Variants in GRIA1 observed in about 807,000 individuals in gnomAD.
GRIA1 encodes glutamate receptor 1.
GRIA1 carries 31 observed loss-of-function variants against 99.2 expected under a neutral mutation model. That is an observed-to-expected ratio of 0.31 (90% CI 0.23 to 0.42). The LOEUF is 0.42. GRIA1 is among the 10% of genes least tolerant of loss of function. The probability of loss-of-function intolerance (pLI) is 1.00; values close to 1 mark genes in which losing one functional copy is unlikely to be tolerated. For synonymous variants in GRIA1, 438 were observed against 432.4 expected (o/e 1.01, Z -0.16); for missense variants, 782 against 1,157.5 (o/e 0.68, Z 4.71).
intron 14 of GRIA1, 89 bp from the exon 15 acceptor site, chr5:153,802,267 T>A: frequency 8.5e-7 from 1 of 1,176,032 alleles, no homozygotes; most frequent in East Asian, 2.4e-5. Flanking sequence ...TGTGTATGTG[T>A]GAAAATATGC....
intron 2 of GRIA1, among the ~76,000 whole-genome samples, chr5:153,519,603 ACAT>A (rs1213246259): frequency 7.2e-5 from 11 of 152,058 alleles, no homozygotes; most frequent in Admixed American, 7.2e-4. Flanking sequence ...AGCATGTAAA[ACAT>A]CATCCAGGAG....
At chr5:153,653,583 A>C (rs1754725817) in intron 4 of GRIA1, among the ~76,000 whole-genome samples, 1 of 152,220 alleles carries the variant, frequency 6.6e-6, no homozygotes, top group African/African-American at 2.4e-5. Flanking sequence ...AGAAGTGAGA[A>C]TAGACCAGGA....
At chr5:153,761,488 A>G (rs772537076) in intron 11 of GRIA1, among the ~76,000 whole-genome samples, 8 of 152,322 alleles carry the variant, frequency 5.3e-5, no homozygotes, top group Admixed American at 6.5e-5. Context: ...CCCTTGTTAG[A>G]ATGGCTATTA....
At chr5:153,693,429 C>T (rs181891077) in intron 8 of GRIA1, among the ~76,000 whole-genome samples, 2 of 152,262 alleles carry the variant, frequency 1.3e-5, no homozygotes, top group African/African-American at 4.8e-5. Flanking sequence ...ACAACTTAGT[C>T]TTTAAAAATT....
At chr5:153,629,994 A>C (rs918633841) in intron 2 of GRIA1, among the ~76,000 whole-genome samples, 22 of 152,202 alleles carry the variant, frequency 1.4e-4, no homozygotes, top group African/African-American at 5.3e-4. Flanking sequence ...GTAGTTTAGC[A>C]AAGTGATAAG....
intron 2 of GRIA1, among the ~76,000 whole-genome samples, chr5:153,599,871 AG>A (rs763050824): frequency 2.0e-5 from 3 of 152,084 alleles, no homozygotes; most frequent in African/African-American, 2.4e-5. Flanking sequence ...AAATGAAGGG[AG>A]GGGAAAAGAA....
At chr5:153,641,524 G>T (rs912418766) in intron 2 of GRIA1, among the ~76,000 whole-genome samples, 1 of 152,080 alleles carries the variant, frequency 6.6e-6, no homozygotes, top group African/African-American at 2.4e-5. Context: ...GGGAATTCCT[G>T]GCCTCGTTTT....
chr5:153,768,510 G>T (rs1763666654), intron 12 of GRIA1, among the ~76,000 whole-genome samples: 1 of 152,098 alleles, frequency 6.6e-6, no homozygotes, highest in Admixed American at 6.5e-5. Context: ...TAAAACGAGT[G>T]ATATAGTTTA....
chr5:153,599,519 C>T (rs570465730), intron 2 of GRIA1, among the ~76,000 whole-genome samples: 1 of 152,288 alleles, frequency 6.6e-6, no homozygotes, highest in Admixed American at 6.5e-5. Context: ...TAGGCACATC[C>T]TCTCACATAC....
At chr5:153,724,123 C>G (rs1177141509) in intron 11 of GRIA1, among the ~76,000 whole-genome samples, 2 of 152,196 alleles carry the variant, frequency 1.3e-5, no homozygotes, top group Admixed American at 6.5e-5. Flanking sequence ...GCTGCTGTTA[C>G]CCAGGCAAAC....
At chr5:153,702,568 A>G (rs972744179) in intron 10 of GRIA1, among the ~76,000 whole-genome samples, 1 of 152,222 alleles carries the variant, frequency 6.6e-6, no homozygotes, top group Non-Finnish European at 1.5e-5. Context: ...TAGTTTCTAG[A>G]CATCACGTAT....
chr5:153,767,753 C>T (rs1459749870), intron 12 of GRIA1, among the ~76,000 whole-genome samples: 3 of 152,156 alleles, frequency 2.0e-5, no homozygotes, highest in African/African-American at 7.2e-5. Flanking sequence ...AATCCTCCAT[C>T]GACAGTTTAA....
At chr5:153,693,903 C>A (rs1274664090) in intron 8 of GRIA1, among the ~76,000 whole-genome samples, 1 of 152,208 alleles carries the variant, frequency 6.6e-6, no homozygotes, top group African/African-American at 2.4e-5. Flanking sequence ...GTTCAAAAAT[C>A]TTTGCCAGCT....
At chr5:153,593,833 A>G (rs981225658) in intron 2 of GRIA1, among the ~76,000 whole-genome samples, 3 of 152,114 alleles carry the variant, frequency 2.0e-5, no homozygotes, top group East Asian at 1.9e-4. Context: ...CCTATTCTCT[A>G]TATCTCATTC....
chr5:153,674,642 T>C lies in GRIA1; in HGVS notation c.842T>C (p.Val281Ala). 6.2e-7 allele frequency: 1 copy of C among 1,613,910 alleles called. No individual in the cohort carries two copies. Among genetic ancestry groups the C allele is most frequent in the Non-Finnish European group, 8.5e-7 (1 of 1,179,944 alleles). The change falls in exon 6 of 16, where the codon GTG (valine) becomes GCG (alanine). Residue 281 changes from valine to alanine, a missense_variant. By Grantham distance (64) the Val-to-Ala change is moderately conservative (BLOSUM62 0). This residue lies in a region of GRIA1 where 461 missense variants were observed against 521.7 expected (regional missense o/e 0.88). Coordinates refer to ENST00000285900, the MANE Select transcript of GRIA1 (RefSeq NM_000827.4). ...AGTGATGCTCGAGACCACACACGGG[T>C]GGACTGGAAGAGACCCAAGGTGAGT... ...KNSDARDHTR[V>A]DWKRPKYTSA... is the part of the protein sequence containing the mutation.
Position 153,697,677 on chromosome 5 carries a change from T to TTAG in GRIA1, c.1135-363_1135-361dup, listed in dbSNP as rs200862382. ...AGAATGAGTTCACTGAAGTGCAGGG[T>TTAG]TAGTAGACATGGGGGAAAGAGGGGT... On this transcript the variant is annotated intron_variant, in intron 8 of 15. Transcript: ENST00000285900. Among the ~76,000 whole-genome samples the TTAG allele has an allele frequency of 7.1e-3, 1,077 of 152,260 alleles. 5 individuals carry two copies. The highest frequency in any genetic ancestry group is 0.011 in the Non-Finnish European group (738 of 68,024).
At chr5:153,586,350 C>T (rs1014449839) in intron 2 of GRIA1, among the ~76,000 whole-genome samples, 17 of 152,254 alleles carry the variant, frequency 1.1e-4, no homozygotes, top group African/African-American at 4.1e-4. Context: ...CACAATAACT[C>T]GGTTAGGTAG....
intron 2 of GRIA1, among the ~76,000 whole-genome samples, chr5:153,627,671 G>C (rs771032874): frequency 8.5e-5 from 13 of 152,172 alleles, no homozygotes; most frequent in Admixed American, 1.3e-4. Flanking sequence ...GAGGAGAGTG[G>C]CATGGGAAGT....
chr5:153,810,159 GA>G (rs2149682830), intron 15 of GRIA1, among the ~76,000 whole-genome samples: 1 of 152,290 alleles, frequency 6.6e-6, no homozygotes, highest in Non-Finnish European at 1.5e-5. Context: ...ATTCTGGGGT[GA>G]TCCTTGGAGT....
Sources: allele counts gnomAD v4.1 joint callset (sites outside exome capture counted in the v4.1 genomes callset), GRCh38; gene constraint gnomAD v4.1.1; regional missense constraint gnomAD v4.1.1; transcripts MANE v1.5; gene names NCBI Gene and HGNC (gene_info 2026-07-23, HGNC 2026-07-21).